CAB39: variants seen among roughly 807,000 people sequenced by gnomAD.
CAB39 encodes calcium-binding protein 39.
Under a neutral mutation model 40.0 loss-of-function variants are expected in CAB39, and 8 were observed. The observed-to-expected ratio is 0.20, with a 90% CI of 0.12 to 0.36. The LOEUF (loss-of-function observed/expected upper bound fraction) is 0.36. Ranked by LOEUF, CAB39 falls within the 10% of genes least tolerant of loss-of-function variation. The probability of loss-of-function intolerance (pLI) is 1.00; values close to 1 mark genes in which losing one functional copy is unlikely to be tolerated. For synonymous variants in CAB39, 156 were observed against 141.6 expected (o/e 1.10, Z -0.72); for missense variants, 270 against 401.1 (o/e 0.67, Z 2.79).
intron 2 of CAB39, among the ~76,000 whole-genome samples, chr2:230,765,043 G>C (rs1443978159): frequency 6.6e-6 from 1 of 152,152 alleles, no homozygotes; most frequent in African/African-American, 2.4e-5. Context: ...CTGGAGTGCA[G>C]TGGCGCAGTC....
At chr2:230,737,007 A>G (rs1302621746) in intron 1 of CAB39, among the ~76,000 whole-genome samples, 1 of 152,204 alleles carries the variant, frequency 6.6e-6, no homozygotes, top group African/African-American at 2.4e-5. Context: ...ACCAACACTA[A>G]TATCTGCCTT....
intron 2 of CAB39, among the ~76,000 whole-genome samples, chr2:230,768,576 T>G (rs1259891696): frequency 6.6e-6 from 1 of 152,186 alleles, no homozygotes; most frequent in Non-Finnish European, 1.5e-5. Context: ...ATGAAGAGAA[T>G]TAAAGGGTTT....
At chr2:230,752,039 C>G (rs867870855) in intron 1 of CAB39, 1 of 98,126 alleles carries the variant, frequency 1.0e-5, no homozygotes, top group South Asian at 5.3e-4. Flanking sequence ...ACCCCCCCCC[C>G]CCCCACATAC....
At chr2:230,738,474 T>G (rs1036629330) in intron 1 of CAB39, among the ~76,000 whole-genome samples, 3 of 152,264 alleles carry the variant, frequency 2.0e-5, no homozygotes, top group Non-Finnish European at 4.4e-5. Context: ...CAAGGCTTCA[T>G]ATGCCAGTTA....
chr2:230,798,775 G>C lies in CAB39; in HGVS notation c.445G>C (p.Glu149Gln). Residue 149 changes from glutamate (E) to glutamine (Q), a missense_variant, in exon 5 of 9, where the codon GAA (glutamate) becomes CAA (glutamine). By Grantham distance (29) the Glu-to-Gln change is conservative. Transcript: ENST00000258418. ...IALNCGIMLR[E>Q]CIRHEPLAKI... ...TCTAAATTGTGGAATAATGTTAAGA[G>C]AATGCATCAGACATGAACCACTTGC... The C allele has an allele frequency of 1.2e-6, 2 of 1,606,918 alleles. No individual in the cohort carries two copies. The highest frequency in any genetic ancestry group is 1.7e-6 in the Non-Finnish European group (2 of 1,175,872).
intron 5 of CAB39, among the ~76,000 whole-genome samples, chr2:230,803,082 G>C (rs536158327): frequency 6.6e-6 from 1 of 152,136 alleles, no homozygotes; most frequent in Admixed American, 6.5e-5. Flanking sequence ...TCATCCCTTC[G>C]ATGCAATGCT....
chr2:230,730,467 C>G (rs1197177428), intron 1 of CAB39, among the ~76,000 whole-genome samples: 1 of 143,776 alleles, frequency 7.0e-6, no homozygotes, highest in Non-Finnish European at 1.5e-5. Flanking sequence ...TTTTTGAGAC[C>G]AAGTCTCGCT....
intron 1 of CAB39, among the ~76,000 whole-genome samples, chr2:230,737,550 CTGTT>C (rs1332659586): frequency 6.6e-6 from 1 of 152,158 alleles, no homozygotes; most frequent in Non-Finnish European, 1.5e-5. Context: ...ATGATCATCT[CTGTT>C]TGTTAGAGAT....
intron 1 of CAB39, among the ~76,000 whole-genome samples, chr2:230,743,201 GT>G (rs1335175924): frequency 1.3e-5 from 2 of 152,108 alleles, no homozygotes; most frequent in Admixed American, 6.5e-5. Context: ...AGGAGTTGCA[GT>G]TTCTTTCCCT....
intron 1 of CAB39, among the ~76,000 whole-genome samples, chr2:230,742,618 T>C (rs1011291224): frequency 8.1e-5 from 12 of 148,998 alleles, no homozygotes; most frequent in African/African-American, 2.2e-4. Flanking sequence ...TTATTCGATA[T>C]CCTACAAGTC....
chr2:230,781,374 T>C (rs913685466), intron 2 of CAB39, among the ~76,000 whole-genome samples: 4 of 152,208 alleles, frequency 2.6e-5, no homozygotes, highest in Admixed American at 2.0e-4. Context: ...GGATTGTTTC[T>C]GAGCTGCTTT....
chr2:230,794,282 C>G (rs1370729558), intron 4 of CAB39, among the ~76,000 whole-genome samples: 1 of 152,120 alleles, frequency 6.6e-6, no homozygotes, highest in Admixed American at 6.5e-5. Context: ...TTCCCTCTTT[C>G]TATTTCTAAC....
intron 1 of CAB39, among the ~76,000 whole-genome samples, chr2:230,729,339 G>A (rs1475356904): frequency 6.6e-6 from 1 of 152,226 alleles, no homozygotes; most frequent in Non-Finnish European, 1.5e-5. Context: ...CTTGGCCAGT[G>A]CAAGAATACA....
intron 2 of CAB39, among the ~76,000 whole-genome samples, chr2:230,760,506 T>C (rs150655459): frequency 2.0e-5 from 3 of 152,288 alleles, no homozygotes; most frequent in East Asian, 1.9e-4. Context: ...TTATCAGTTA[T>C]CTGCTTGGTT....
At chr2:230,743,112 C>T (rs566662447) in intron 1 of CAB39, among the ~76,000 whole-genome samples, 1 of 152,254 alleles carries the variant, frequency 6.6e-6, no homozygotes, top group South Asian at 2.1e-4. Flanking sequence ...GGTCTAATTA[C>T]CTCAAGTTTT....
intron 1 of CAB39, among the ~76,000 whole-genome samples, chr2:230,726,763 C>G (rs373032686): frequency 6.6e-6 from 1 of 151,730 alleles, no homozygotes; most frequent in African/African-American, 2.4e-5. Flanking sequence ...TGGTCTTGTT[C>G]ACATAGTGAT....
intron 1 of CAB39, among the ~76,000 whole-genome samples, chr2:230,742,989 C>A (rs11690414): frequency 0.24 from 36,503 of 152,052 alleles, 8,841 homozygotes; most frequent in African/African-American, 0.63. Flanking sequence ...GCTGCATTTT[C>A]CTCTCATATG....
chr2:230,805,453 A>G (rs1383009717), intron 5 of CAB39, among the ~76,000 whole-genome samples: 2 of 152,182 alleles, frequency 1.3e-5, no homozygotes, highest in Non-Finnish European at 2.9e-5. Context: ...AACTGTACCC[A>G]CAGCCATCAT....
chr2:230,740,056 G>A (rs757286806), intron 1 of CAB39, among the ~76,000 whole-genome samples: 3 of 152,210 alleles, frequency 2.0e-5, no homozygotes, highest in Non-Finnish European at 4.4e-5. Context: ...ATTTTACATA[G>A]TAAGTATAAG....
Sources: gnomAD v4.1 joint callset for allele counts (sites outside exome capture counted in the v4.1 genomes callset) on GRCh38, gnomAD v4.1.1 for gene constraint, MANE v1.5 for transcripts, NCBI Gene and HGNC (gene_info 2026-07-23, HGNC 2026-07-21) for gene names.